PALLD: variants seen among roughly 807,000 people sequenced by gnomAD.
PALLD encodes palladin.
A neutral mutation model predicts 123.5 loss-of-function variants in PALLD; 61 were observed. That is an observed-to-expected ratio of 0.49 (90% CI 0.40 to 0.61). The LOEUF (loss-of-function observed/expected upper bound fraction) is 0.61, where lower values mean the gene tolerates loss of function less well. Among genes scored for constraint, PALLD ranks in the 20% least tolerant of loss-of-function variants. The probability of loss-of-function intolerance (pLI) is 0.00; values close to 1 mark genes in which losing one functional copy is unlikely to be tolerated. For missense variants in PALLD, 1,273 were observed against 1,377.0 expected (o/e 0.92, Z 1.20); for synonymous variants, 465 against 496.4 (o/e 0.94, Z 0.84).
intron 2 of PALLD, among the ~76,000 whole-genome samples, chr4:168,658,285 G>GTTTTT (rs66527351): frequency 3.5e-4 from 46 of 131,614 alleles, no homozygotes; most frequent in Non-Finnish European, 4.2e-4. Flanking sequence ...TTTTTATTTG[G>GTTTTT]TTTTTTTTTT....
At chr4:168,625,502 G>GATAGATAGATAT in intron 2 of PALLD, among the ~76,000 whole-genome samples, 2 of 114,476 alleles carry the variant, frequency 1.7e-5, no homozygotes, top group Non-Finnish European at 1.8e-5. Context: ...ATATCCAGGA[G>GATAGATAGATAT]ATATATATAT....
intron 2 of PALLD, among the ~76,000 whole-genome samples, chr4:168,586,679 G>A (rs1053526539): frequency 6.6e-6 from 1 of 152,168 alleles, no homozygotes; most frequent in Non-Finnish European, 1.5e-5. Flanking sequence ...CCTGGTGGCA[G>A]AGCTGATTGC....
intron 2 of PALLD, among the ~76,000 whole-genome samples, chr4:168,544,922 A>G (rs894404733): frequency 2.8e-4 from 43 of 152,196 alleles, no homozygotes; most frequent in Non-Finnish European, 5.1e-4. Context: ...CTTGGGACAC[A>G]AACACCATAC....
intron 2 of PALLD, among the ~76,000 whole-genome samples, chr4:168,626,447 T>C (rs1407309024): frequency 1.4e-5 from 2 of 144,722 alleles, no homozygotes; most frequent in East Asian, 4.2e-4. Context: ...CTGTGGCTCA[T>C]GCCTGTAATC....
At chr4:168,555,276 A>G (rs866190701) in intron 2 of PALLD, among the ~76,000 whole-genome samples, 15 of 152,228 alleles carry the variant, frequency 9.9e-5, no homozygotes, top group African/African-American at 3.6e-4. Context: ...GGAACGGAGC[A>G]TAGAGAATAG....
At chr4:168,893,517 A>G (rs1754490284) in intron 11 of PALLD, among the ~76,000 whole-genome samples, 1 of 152,202 alleles carries the variant, frequency 6.6e-6, no homozygotes. Context: ...AGAGCTTCCA[A>G]TCAAATTTGC....
At chr4:168,704,398 G>A (rs1253910228) in intron 8 of PALLD, among the ~76,000 whole-genome samples, 2 of 152,118 alleles carry the variant, frequency 1.3e-5, no homozygotes, top group African/African-American at 4.8e-5. Flanking sequence ...TTGACTGGAC[G>A]CGGTGGCTCA....
intron 10 of PALLD, among the ~76,000 whole-genome samples, chr4:168,873,156 G>A (rs1050854060): frequency 3.3e-5 from 5 of 152,110 alleles, no homozygotes; most frequent in African/African-American, 9.7e-5. Flanking sequence ...AACCCAATGG[G>A]GTACAGAATT....
At chr4:168,719,887 A>G (rs1178151602) in intron 10 of PALLD, among the ~76,000 whole-genome samples, 1 of 152,164 alleles carries the variant, frequency 6.6e-6, no homozygotes, top group African/African-American at 2.4e-5. Flanking sequence ...AACTTTGTCC[A>G]TGTTGCTGGG....
intron 10 of PALLD, among the ~76,000 whole-genome samples, chr4:168,735,878 A>G (rs1787696903): frequency 6.6e-6 from 1 of 152,130 alleles, no homozygotes; most frequent in Non-Finnish European, 1.5e-5. Flanking sequence ...TCTACCTCCC[A>G]CATTTGCAAA....
At chr4:168,715,330 GCACACAGGATTTGTGCAA>G (rs1785244565) in intron 10 of PALLD, among the ~76,000 whole-genome samples, 1 of 152,142 alleles carries the variant, frequency 6.6e-6, no homozygotes, top group Non-Finnish European at 1.5e-5. Flanking sequence ...CAGATGACCT[GCACACAGGATTTGTGCAA>G]CGCCTTACCA....
chr4:168,839,062 C>T (rs920398514), intron 10 of PALLD, among the ~76,000 whole-genome samples: 1 of 152,110 alleles, frequency 6.6e-6, no homozygotes, highest in African/African-American at 2.4e-5. Flanking sequence ...AAGTGATCCT[C>T]CCACCTCAGT....
intron 10 of PALLD, among the ~76,000 whole-genome samples, chr4:168,878,584 C>G (rs893673308): frequency 4.6e-5 from 7 of 151,436 alleles, no homozygotes; most frequent in Admixed American, 1.3e-4. Context: ...TGCGTAGCCA[C>G]TTAACATTAT....
intron 2 of PALLD, among the ~76,000 whole-genome samples, chr4:168,630,342 G>A (rs954351537): frequency 1.2e-4 from 18 of 152,206 alleles, no homozygotes; most frequent in African/African-American, 3.6e-4. Flanking sequence ...ATACAAGAAG[G>A]GACTGAACCT....
rs553429314 is a variant in PALLD, at chr4:168,783,070, G to T, written c.1964+71147G>T. On this transcript the variant is annotated intron_variant, in intron 10 of 21. Coordinates refer to ENST00000505667, the MANE Select transcript of PALLD (RefSeq NM_001166108.2). ...TATGTGTGTGTGTGTGTGTGTGTGT[G>T]TGTGTGTGTGTGTGTATAGTACTGT... 4.0e-5 allele frequency among the ~76,000 whole-genome samples: 6 copies of T among 149,728 alleles called. No individual in the cohort carries two copies. The South Asian group carries it at 1.3e-3, about 31-fold the overall frequency.
chr4:168,715,367 G>A (rs1399717990), intron 10 of PALLD, among the ~76,000 whole-genome samples: 2 of 152,220 alleles, frequency 1.3e-5, no homozygotes, highest in African/African-American at 4.8e-5. Context: ...CACCCGCTGT[G>A]GGACTGCGAA....
intron 2 of PALLD, among the ~76,000 whole-genome samples, chr4:168,601,801 C>T (rs1772687716): frequency 6.6e-6 from 1 of 152,108 alleles, no homozygotes; most frequent in Admixed American, 6.6e-5. Flanking sequence ...CTCCAGGGGC[C>T]AAGGGTAGCT....
At chr4:168,837,743 G>T (rs1238703340) in intron 10 of PALLD, among the ~76,000 whole-genome samples, 2 of 152,178 alleles carry the variant, frequency 1.3e-5, no homozygotes, top group Non-Finnish European at 2.9e-5. Context: ...GGCAAGTCTG[G>T]GACCTCATTA....
chr4:168,741,160 C>G (rs1788287849), intron 10 of PALLD, among the ~76,000 whole-genome samples: 1 of 152,104 alleles, frequency 6.6e-6, no homozygotes, highest in Non-Finnish European at 1.5e-5. Context: ...GATGGCGGAT[C>G]ACTCTTATCC....
Sources: allele counts gnomAD v4.1 joint callset (sites outside exome capture counted in the v4.1 genomes callset), GRCh38; gene constraint gnomAD v4.1.1; transcripts MANE v1.5; gene names NCBI Gene and HGNC (gene_info 2026-07-23, HGNC 2026-07-21).